Variants in RGS6 observed in about 807,000 individuals in gnomAD.
RGS6 encodes the protein regulator of G-protein signaling 6.
In RGS6, 30 loss-of-function variants were observed where a neutral mutation model predicts 78.5. The ratio of observed to expected loss-of-function variants is 0.38; its 90% confidence interval spans 0.29 to 0.52. The LOEUF (loss-of-function observed/expected upper bound fraction) is 0.52. Ranked by LOEUF, RGS6 falls within the 20% of genes least tolerant of loss-of-function variation. The pLI, the probability that RGS6 is intolerant of heterozygous loss-of-function variation, is 0.85. For synonymous variants in RGS6, 206 were observed against 206.0 expected, an observed-to-expected ratio of 1.00 and a Z score of 0.00; for missense variants, 495 against 609.7, an observed-to-expected ratio of 0.81 and a Z score of 1.98.
At chr14:72,198,753 G>A (rs1212852846) in intron 2 of RGS6, among the ~76,000 whole-genome samples, 1 of 152,232 alleles carries the variant, frequency 6.6e-6, no homozygotes, top group Non-Finnish European at 1.5e-5. Context: ...TGCCTCCAGG[G>A]CAGAGTCCAC....
chr14:72,216,533 A>T (rs2045613400), intron 2 of RGS6, among the ~76,000 whole-genome samples: 1 of 152,208 alleles, frequency 6.6e-6, no homozygotes, highest in Non-Finnish European at 1.5e-5. Context: ...TAAATGTGAA[A>T]TGTAATAAGG....
intron 2 of RGS6, among the ~76,000 whole-genome samples, chr14:72,276,581 C>T (rs1024154582): frequency 6.6e-6 from 1 of 152,032 alleles, no homozygotes; most frequent in Non-Finnish European, 1.5e-5. Flanking sequence ...GTGGGAGGGA[C>T]CTGGTGGGAG....
At chr14:72,151,404 C>T (rs1267431289) in intron 2 of RGS6, among the ~76,000 whole-genome samples, 2 of 152,212 alleles carry the variant, frequency 1.3e-5, no homozygotes, top group Admixed American at 6.5e-5. Flanking sequence ...GATGAAAAAA[C>T]TTAATTAAAA....
chr14:72,529,931 T>C (rs911675302), intron 15 of RGS6, among the ~76,000 whole-genome samples: 2 of 152,258 alleles, frequency 1.3e-5, no homozygotes, highest in Admixed American at 1.3e-4. Context: ...CAGGCTGTTA[T>C]CTCAGCGTCT....
At chr14:72,153,631 G>A (rs1253124428) in intron 2 of RGS6, among the ~76,000 whole-genome samples, 1 of 152,150 alleles carries the variant, frequency 6.6e-6, no homozygotes, top group Admixed American at 6.5e-5. Context: ...GCCGCCGGGG[G>A]TGACATCACA....
At chr14:72,521,659 T>G (rs1168332521) in intron 15 of RGS6, among the ~76,000 whole-genome samples, 1 of 152,224 alleles carries the variant, frequency 6.6e-6, no homozygotes, top group African/African-American at 2.4e-5. Context: ...CAATCCCTAT[T>G]TTCAGACCAA....
At chr14:72,090,930 C>A (rs184844031) in intron 2 of RGS6, among the ~76,000 whole-genome samples, 112 of 152,278 alleles carry the variant, frequency 7.4e-4, no homozygotes, top group Non-Finnish European at 1.2e-3. Context: ...TTTCTTTTGG[C>A]CATCTGGGAC....
chr14:72,171,039 A>G (rs1567371251), intron 2 of RGS6, among the ~76,000 whole-genome samples: 1 of 152,168 alleles, frequency 6.6e-6, no homozygotes. Context: ...ATTTTTGCTT[A>G]TCGGTTTAAA....
chr14:71,967,285 A>G (rs7143919), intron 2 of RGS6, among the ~76,000 whole-genome samples: 99,653 of 151,660 alleles, frequency 0.66, 32,848 homozygotes, highest in East Asian at 0.76. Flanking sequence ...AAGAAGACAC[A>G]CTTATTGCAC....
chr14:72,110,881 C>G (rs2095745236), intron 2 of RGS6, among the ~76,000 whole-genome samples: 1 of 152,164 alleles, frequency 6.6e-6, no homozygotes, highest in Non-Finnish European at 1.5e-5. Flanking sequence ...ACATCTTTGT[C>G]TAGTCACACC....
intron 17 of RGS6, among the ~76,000 whole-genome samples, chr14:72,559,143 G>A (rs2097633367): frequency 6.6e-6 from 1 of 152,248 alleles, no homozygotes. Context: ...AGACAGAGAT[G>A]AGAGTAAAGA....
At chr14:72,328,974 C>T (rs945583326) in intron 2 of RGS6, among the ~76,000 whole-genome samples, 3 of 152,158 alleles carry the variant, frequency 2.0e-5, no homozygotes, top group Non-Finnish European at 2.9e-5. Context: ...CTAGTTCAAG[C>T]GATTCTCCTG....
At position 72,541,703 on chromosome 14, in the gene RGS6, A is replaced by T; in HGVS notation, c.1422+1609A>T. The T allele has an allele frequency of 2.1e-6, 3 of 1,442,174 alleles. No individual in the cohort carries two copies. The South Asian group carries it at 4.0e-5, about 19-fold the overall frequency. The allele number at this position is 1,442,174 out of a possible 1,614,324, so 89.3% of individuals were successfully genotyped here. On this transcript the variant is annotated intron_variant, in intron 17 of 17. Transcript: ENST00000553525. ...TGGAGGATGGTTAGGGATTTTGCTG[A>T]CAAGCCAAGGGTGCCTGTGTAAGCA...
At chr14:72,144,130 A>T (rs778161789) in intron 2 of RGS6, among the ~76,000 whole-genome samples, 2 of 152,218 alleles carry the variant, frequency 1.3e-5, no homozygotes, top group African/African-American at 4.8e-5. Context: ...GAGAGCCATC[A>T]TGCTTCCTGG....
At chr14:72,039,131 T>C (rs995035031) in intron 2 of RGS6, among the ~76,000 whole-genome samples, 2 of 152,182 alleles carry the variant, frequency 1.3e-5, no homozygotes, top group Non-Finnish European at 2.9e-5. Context: ...ATGAAAAAAG[T>C]AAATTACATA....
chr14:71,986,117 G>T (rs1004394142), intron 2 of RGS6, among the ~76,000 whole-genome samples: 22 of 152,216 alleles, frequency 1.4e-4, no homozygotes, highest in African/African-American at 5.3e-4. Flanking sequence ...CTCATCCTTT[G>T]CAGTCCTCTT....
intron 2 of RGS6, among the ~76,000 whole-genome samples, chr14:72,168,520 C>CA (rs1007173734): frequency 2.0e-5 from 3 of 152,080 alleles, no homozygotes; most frequent in African/African-American, 7.2e-5. Flanking sequence ...AGACTTAATA[C>CA]AAAAAATAAA....
Position 72,013,865 on chromosome 14 carries a change from A to G in RGS6, c.84+48990A>G, listed in dbSNP as rs529262862. ...AAATAATGCAAGAGGCTGTTGCTCA[A>G]AGTGAATCCCTTACTCCGTGCTGGT... is the stretch of plus-strand genomic sequence containing the variant. On this transcript the variant is annotated intron_variant, in intron 2 of 17. Coordinates refer to ENST00000553525, the MANE Select transcript of RGS6 (RefSeq NM_001204424.2). Among the ~76,000 whole-genome samples, 10 of 152,346 alleles carry G rather than the reference A, an allele frequency of 6.6e-5. No individual in the cohort carries two copies. In the East Asian group the frequency reaches 1.9e-3, roughly 29 times the overall value.
intron 2 of RGS6, among the ~76,000 whole-genome samples, chr14:72,213,033 G>A (rs543138432): frequency 3.9e-4 from 60 of 152,356 alleles, no homozygotes; most frequent in African/African-American, 1.3e-3. Flanking sequence ...AAGTGGGAAG[G>A]GGTGGAGGGT....
Sources: allele counts gnomAD v4.1 joint callset (sites outside exome capture counted in the v4.1 genomes callset), GRCh38; gene constraint gnomAD v4.1.1; transcripts MANE v1.5; gene names NCBI Gene and HGNC (gene_info 2026-07-23, HGNC 2026-07-21).